The following FBN2 variants were observed in gnomAD, a reference collection of about 807,000 sequenced individuals.
FBN2 encodes fibrillin 2.
FBN2 carries 105 observed loss-of-function variants against 355.6 expected under a neutral mutation model. The observed-to-expected ratio is 0.30, with a 90% CI of 0.25 to 0.35. FBN2 has a LOEUF of 0.35. Ranked by LOEUF, FBN2 falls within the 10% of genes least tolerant of loss-of-function variation. The pLI, the probability that FBN2 is intolerant of heterozygous loss-of-function variation, is 1.00. For missense variants in FBN2, 3,280 were observed against 3,758.7 expected (o/e 0.87, Z 3.33); for synonymous variants, 1,350 against 1,301.2 (o/e 1.04, Z -0.81).
intron 8 of FBN2, among the ~76,000 whole-genome samples, chr5:128,406,289 C>T (rs1189478962): frequency 1.9e-4 from 29 of 152,188 alleles, no homozygotes; most frequent in Admixed American, 1.9e-3. Context: ...TCCATCTTAA[C>T]TACACTTATC....
chr5:128,373,543 A>G (rs961414656), intron 15 of FBN2, among the ~76,000 whole-genome samples: 1 of 152,190 alleles, frequency 6.6e-6, no homozygotes, highest in African/African-American at 2.4e-5. Context: ...AACTATGTCT[A>G]AGAATATGGT....
chr5:128,289,125 A>G lies in FBN2; in HGVS notation c.6637+2T>C. On this transcript the variant is annotated splice_donor_variant, in intron 52 of 64. Coordinates refer to ENST00000262464, the MANE Select transcript of FBN2 (RefSeq NM_001999.4). LOFTEE classifies it high-confidence loss of function. ...ATTCTGTAATGTGGAGCCAACACTC[A>G]CCCACACAGCGTACTCCAGTGTAGT... The G allele has an allele frequency of 6.2e-7, 1 of 1,613,918 alleles. No homozygotes were observed. Among genetic ancestry groups the G allele is most frequent in the Non-Finnish European group, 8.5e-7 (1 of 1,179,802 alleles).
intron 5 of FBN2, among the ~76,000 whole-genome samples, chr5:128,485,911 T>C (rs1402051857): frequency 6.6e-6 from 1 of 152,176 alleles, no homozygotes; most frequent in Non-Finnish European, 1.5e-5. Context: ...TATTACACTT[T>C]AAAAGATCCC....
chr5:128,475,039 C>T (rs1754973720), intron 5 of FBN2, among the ~76,000 whole-genome samples: 1 of 152,148 alleles, frequency 6.6e-6, no homozygotes, highest in East Asian at 1.9e-4. Context: ...AATCAAGTGA[C>T]CCTGCTGGCA....
In FBN2 at chr5:128,312,727, C is replaced by T. The variant is rs1750088547; in HGVS notation, c.4786G>A (p.Glu1596Lys). ...GAGCGACTGACGCCCACCCCGATCT[C>T]GGTGTTGCAAGACAGACTCCCATCT... ...RGDGSLSCNT[E>K]IGVGVSRSSC... The change falls in exon 37 of 65, where the codon GAG (glutamate) becomes AAG (lysine). Residue 1596 changes from glutamate (E) to lysine (K), a missense_variant. By Grantham distance (56) the Glu-to-Lys change is moderately conservative (BLOSUM62 1). Transcript: ENST00000262464. The T allele has an allele frequency of 1.9e-6, 3 of 1,613,978 alleles. No homozygotes were observed. Among genetic ancestry groups the T allele is most frequent in the Non-Finnish European group, 2.5e-6 (3 of 1,179,994 alleles).
At chr5:128,441,730 G>A (rs922945579) in intron 7 of FBN2, among the ~76,000 whole-genome samples, 2 of 152,182 alleles carry the variant, frequency 1.3e-5, no homozygotes, top group Non-Finnish European at 2.9e-5. Context: ...GATGGGGGCA[G>A]AAAGCAGGTT....
intron 45 of FBN2, 43 bp downstream of exon 45, chr5:128,304,914 C>T (rs1749824764): frequency 4.3e-6 from 7 of 1,613,092 alleles, no homozygotes; most frequent in Non-Finnish European, 5.9e-6. Flanking sequence ...TGTTCTGGAA[C>T]CCCAGCCCCA....
intron 6 of FBN2, among the ~76,000 whole-genome samples, chr5:128,455,909 C>A (rs568154470): frequency 1.4e-5 from 2 of 143,646 alleles, no homozygotes; most frequent in Non-Finnish European, 3.0e-5. Context: ...CTATGGAGCC[C>A]CCCGGGGGTT....
Position 128,332,934 on chromosome 5 carries a change from A to C in FBN2, c.4200T>G (p.Ile1400Met). The C allele has an allele frequency of 2.5e-6, 4 of 1,614,034 alleles. No homozygotes were observed. Among genetic ancestry groups the C allele is most frequent in the Non-Finnish European group, 3.4e-6 (4 of 1,179,910 alleles). The part of the protein sequence containing the change: ...SFKCSCREGW[I>M]GNGIKCIDLD... ...CACCAATACACTTGATGCCGTTTCC[A>C]ATCCAGCCTTCTCTGCAGCTACACT... Residue 1400 changes from isoleucine (I) to methionine (M), a missense_variant, in exon 32 of 65, where the codon ATT becomes ATG. Transcript: ENST00000262464.
At position 128,392,084 on chromosome 5, in the gene FBN2, T is replaced by C. The variant is rs770548591; in HGVS notation, c.1537A>G (p.Thr513Ala). 1 of 1,613,388 alleles carries C rather than the reference T, an allele frequency of 6.2e-7. No homozygotes were observed. The highest frequency in any genetic ancestry group is 1.1e-5 in the South Asian group (1 of 91,066). Residue 513 changes from threonine to alanine, a missense_variant, in exon 11 of 65, where the codon ACT (threonine) becomes GCT (alanine). Around this residue, in one of 6 missense-constraint regions of FBN2, gnomAD observed 2,284 missense variants for 2,749.5 expected, o/e 0.83. Transcript: ENST00000262464. ...NLCLNGRCIP[T>A]VSSYRCECNM... ...CATTCACATCGGTAGCTTGAGACAG[T>C]TGGTATACAGCGTCCATTTAAACAA...
At chr5:128,495,262 GA>G (rs1755625289) in intron 5 of FBN2, among the ~76,000 whole-genome samples, 1 of 151,592 alleles carries the variant, frequency 6.6e-6, no homozygotes, top group African/African-American at 2.4e-5. Flanking sequence ...AAAAGCAGAG[GA>G]AAAAAATAAA....
chr5:128,377,933 A>G (rs71587974), intron 12 of FBN2, 56 bp from the exon 13 acceptor site: 2 of 1,487,552 alleles, frequency 1.3e-6, no homozygotes, highest in East Asian at 4.5e-5. Flanking sequence ...ATAGATAAAC[A>G]CAGTAAGATA....
rs143036208 is a variant in FBN2 at position 128,331,938 on chromosome 5, G to A, written c.4222+974C>T. ...TGGGGCTACGAAAATGGGAATGAGGGTATGGTTGAAAAGTTATGATAGTAA... is the reference window on the plus strand; with the variant it reads ...TGGGGCTACGAAAATGGGAATGAGGATATGGTTGAAAAGTTATGATAGTAA... On this transcript the variant is annotated intron_variant, in intron 32 of 64. Coordinates refer to ENST00000262464, the MANE Select transcript of FBN2 (RefSeq NM_001999.4). Among the ~76,000 whole-genome samples, 243 of 152,198 alleles carry A rather than the reference G, an allele frequency of 1.6e-3. 1 individual carries two copies. Among genetic ancestry groups the A allele is most frequent in the African/African-American group, 5.4e-3 (224 of 41,514 alleles).
chr5:128,421,505 C>T (rs1362265849), intron 7 of FBN2, among the ~76,000 whole-genome samples: 4 of 152,220 alleles, frequency 2.6e-5, no homozygotes, highest in Admixed American at 2.6e-4. Context: ...AAATTAATGG[C>T]TTCATGATTA....
intron 7 of FBN2, among the ~76,000 whole-genome samples, chr5:128,410,033 T>A (rs1240775533): frequency 1.3e-5 from 2 of 152,170 alleles, no homozygotes; most frequent in African/African-American, 4.8e-5. Flanking sequence ...TGGCATGTTC[T>A]TATAAAAAAA....
chr5:128,298,506 T>C (rs1320952743), intron 48 of FBN2, among the ~76,000 whole-genome samples: 1 of 152,098 alleles, frequency 6.6e-6, no homozygotes. Context: ...TTTCACATAG[T>C]CCCATATTTC....
In FBN2 at chr5:128,392,006, T is replaced by C. The variant is rs1194449178; in HGVS notation, c.1603+12A>G. On this transcript the variant is annotated intron_variant, in intron 11 of 64. Coordinates refer to ENST00000262464, the MANE Select transcript of FBN2 (RefSeq NM_001999.4). ...AAAACTAAGAAGGATTATTAAAGAA[T>C]CACAAACTTACCTATACAATCTCCA... is the stretch of plus-strand genomic sequence containing the variant. The C allele has an allele frequency of 6.2e-7, 1 of 1,612,474 alleles. No homozygotes were observed. The highest frequency in any genetic ancestry group is 1.1e-5 in the South Asian group (1 of 91,048).
At chr5:128,476,666 C>T (rs1370265575) in intron 5 of FBN2, among the ~76,000 whole-genome samples, 1 of 143,844 alleles carries the variant, frequency 7.0e-6, no homozygotes, top group African/African-American at 2.6e-5. Context: ...AGCAAGTAGA[C>T]AAAAAAAAAA....
chr5:128,263,296 G>A (rs576801208), intron 63 of FBN2, 129 bp downstream of exon 63: 13 of 751,038 alleles, frequency 1.7e-5, no homozygotes, highest in African/African-American at 3.4e-5. Context: ...CTGCATACCC[G>A]AAGAGTTCTA....
Sources: gnomAD v4.1 joint callset for allele counts (sites outside exome capture counted in the v4.1 genomes callset) on GRCh38, gnomAD v4.1.1 for gene constraint, gnomAD v4.1.1 regional missense constraint, MANE v1.5 for transcripts, NCBI Gene and HGNC (gene_info 2026-07-23, HGNC 2026-07-21) for gene names.